The following KNTC1 variants were observed in gnomAD, a reference collection of about 807,000 sequenced individuals.
KNTC1 encodes the protein kinetochore-associated protein 1.
Under a neutral mutation model 314.4 loss-of-function variants are expected in KNTC1, and 253 were observed. The observed-to-expected ratio is 0.80, with a 90% confidence interval of 0.73 to 0.89. KNTC1 has a LOEUF of 0.89. Among genes scored for constraint, KNTC1 ranks in the 40% least tolerant of loss-of-function variants. The probability of loss-of-function intolerance (pLI) is 0.00; values close to 1 mark genes in which losing one functional copy is unlikely to be tolerated. For synonymous variants in KNTC1, 901 were observed against 901.4 expected (o/e 1.00, Z 0.01); for missense variants, 2,475 against 2,572.9 (o/e 0.96, Z 0.82).
At chr12:122,534,925 G>T in intron 3 of KNTC1, 141 bp downstream of exon 3, 1 of 786,598 alleles carries the variant, frequency 1.3e-6, no homozygotes. Context: ...AAGCTTGAGT[G>T]CTTAGTGCCT....
chr12:122,564,685 C>T lies in KNTC1; in HGVS notation c.1604+1986C>T, dbSNP rs140473876. ...TGCAGTCTCTCTGTGTTGTCCACGC[C>T]GGTCTTGAACTCCTGAGCTCAAGCG... On this transcript the variant is annotated intron_variant, in intron 20 of 63. Coordinates refer to ENST00000333479, the MANE Select transcript of KNTC1 (RefSeq NM_014708.6). Among the ~76,000 whole-genome samples the T allele has an allele frequency of 7.2e-5, 11 of 152,160 alleles. No individual in the cohort carries two copies. The East Asian group carries it at 1.5e-3, about 21-fold the overall frequency.
chr12:122,533,052 ATAAAAAT>A lies in KNTC1; in HGVS notation c.130-1606_130-1600del, dbSNP rs552565087. Among the ~76,000 whole-genome samples the A allele has an allele frequency of 2.7e-3, 405 of 152,326 alleles. 3 individuals are homozygous for A. Among genetic ancestry groups the A allele is most frequent in the South Asian group, 0.025 (121 of 4,828 alleles). On this transcript the variant is annotated intron_variant, in intron 2 of 63. Coordinates refer to ENST00000333479, the MANE Select transcript of KNTC1 (RefSeq NM_014708.6). Reference sequence around the variant, plus strand: ...TAGGGAGACAACATCTCTAAAAAAAATAAAAATTAAAATAAACTACACTTGCTTTGGG... The same window carrying A: ...TAGGGAGACAACATCTCTAAAAAAAATAAAATAAACTACACTTGCTTTGGG...
chr12:122,567,413 A>G (rs966230431), intron 20 of KNTC1, among the ~76,000 whole-genome samples: 26 of 152,144 alleles, frequency 1.7e-4, no homozygotes, highest in Admixed American at 1.5e-3. Flanking sequence ...GAATTTCTTT[A>G]TTATGCATAG....
chr12:122,542,978 T>G (rs1198713206), intron 6 of KNTC1, among the ~76,000 whole-genome samples: 1 of 152,176 alleles, frequency 6.6e-6, no homozygotes, highest in Non-Finnish European at 1.5e-5. Flanking sequence ...AGTGGTATGA[T>G]ATCGGCTCAC....
chr12:122,549,961 G>T, intron 13 of KNTC1, 97 bp downstream of exon 13: 1 of 660,270 alleles, frequency 1.5e-6, no homozygotes, highest in Non-Finnish European at 2.6e-6. Context: ...ATTAAGCTAA[G>T]CATTAGTGGA....
At chr12:122,575,262 A>C (rs1964936532) in intron 27 of KNTC1, among the ~76,000 whole-genome samples, 1 of 152,112 alleles carries the variant, frequency 6.6e-6, no homozygotes, top group Admixed American at 6.6e-5. Context: ...ACCCTGCCTC[A>C]AAAAAACAAA....
intron 38 of KNTC1, among the ~76,000 whole-genome samples, chr12:122,587,147 T>C (rs374027706): frequency 1.3e-5 from 2 of 152,252 alleles, no homozygotes; most frequent in African/African-American, 4.8e-5. Flanking sequence ...GAAATGGTGG[T>C]GTGCTCCTGT....
chr12:122,597,740 G>T lies in KNTC1; in HGVS notation c.4365G>T (p.Gln1455His), dbSNP rs569474522. 1.2e-6 allele frequency: 2 copies of T among 1,613,778 alleles called. No homozygotes were observed. Among genetic ancestry groups the T allele is most frequent in the African/African-American group, 2.7e-5 (2 of 75,064 alleles). ...TGAATGCTTCTTTTAGCACATTTCAGTTGGACTGCGATGCAGTTCTTCAGC... is the reference window on the plus strand; with the variant it reads ...TGAATGCTTCTTTTAGCACATTTCATTTGGACTGCGATGCAGTTCTTCAGC... ...SLILEYCSTF[Q>H]LDCDAVLQLF... Residue 1455 changes from glutamine (Q) to histidine (H), a missense_variant, in exon 44 of 64, where the codon CAG becomes CAT. Gln to His is a conservative substitution (Grantham distance 24). Transcript: ENST00000333479.
intron 6 of KNTC1, among the ~76,000 whole-genome samples, chr12:122,542,419 A>G (rs1351427437): frequency 1.3e-5 from 2 of 152,208 alleles, no homozygotes; most frequent in African/African-American, 4.8e-5. Flanking sequence ...AATAGTAAAT[A>G]CTTTTTAATG....
chr12:122,599,005 TAAAA>T (rs546566725), intron 44 of KNTC1, among the ~76,000 whole-genome samples: 72 of 150,954 alleles, frequency 4.8e-4, no homozygotes, highest in Non-Finnish European at 9.1e-4. Context: ...TTTTTTAAAT[TAAAA>T]AAAAAATTTT....
At chr12:122,618,671 T>TTG (rs1874065901) in intron 59 of KNTC1, 126 bp downstream of exon 59, 1 of 762,712 alleles carries the variant, frequency 1.3e-6, no homozygotes, top group Middle Eastern at 3.0e-4. Flanking sequence ...GTGTTTGTTG[T>TTG]TGTTGTTGTT....
At position 122,613,775 on chromosome 12, in the gene KNTC1, A is replaced by ACTGCCCCATTCCCAATTCC. The variant is rs774330051; in HGVS notation, c.5877+22_5877+40dup. 1 of 1,581,390 alleles carries ACTGCCCCATTCCCAATTCC rather than the reference A, an allele frequency of 6.3e-7. No individual in the cohort carries two copies. The highest frequency in any genetic ancestry group is 1.9e-5 in the Admixed American group (1 of 51,834). On this transcript the variant is annotated intron_variant, in intron 55 of 63. Coordinates refer to ENST00000333479, the MANE Select transcript of KNTC1 (RefSeq NM_014708.6). The stretch of plus-strand genomic sequence containing the variant: ...CACGAGTCCATGGTAGGTACACCTC[A>ACTGCCCCATTCCCAATTCC]CTGCCCCATTCCCAATTCCCTGCCC...
chr12:122,549,327 C>T (rs984888188), intron 12 of KNTC1, among the ~76,000 whole-genome samples: 1 of 151,176 alleles, frequency 6.6e-6, no homozygotes, highest in African/African-American at 2.4e-5. Context: ...AAAGTGCTCC[C>T]ATGTGTTTTT....
intron 40 of KNTC1, 66 bp from the exon 41 acceptor site, chr12:122,590,541 T>G: frequency 6.9e-7 from 1 of 1,459,226 alleles, no homozygotes; most frequent in Non-Finnish European, 9.3e-7. Flanking sequence ...TTCTGCCCTT[T>G]GTGAACAAAG....
intron 51 of KNTC1, 46 bp from the exon 52 acceptor site, chr12:122,609,338 C>G (rs1478913041): frequency 2.6e-6 from 3 of 1,168,416 alleles, no homozygotes; most frequent in Non-Finnish European, 3.7e-6. Flanking sequence ...TTTGTTTAGT[C>G]ATAAACTTTT....
chr12:122,538,537 T>C, intron 4 of KNTC1, 83 bp downstream of exon 4: 1 of 749,858 alleles, frequency 1.3e-6, no homozygotes, highest in Non-Finnish European at 2.1e-6. Flanking sequence ...AAACTATTAC[T>C]TAACATGTGT....
intron 4 of KNTC1, 52 bp downstream of exon 4, chr12:122,538,506 T>G (rs896796894): frequency 9.9e-7 from 1 of 1,010,660 alleles, no homozygotes. Context: ...AAATAATCTC[T>G]TAGACAACTA....
At chr12:122,618,955 G>T (rs1874098054) in intron 59 of KNTC1, among the ~76,000 whole-genome samples, 1 of 151,704 alleles carries the variant, frequency 6.6e-6, no homozygotes, top group African/African-American at 2.4e-5. Flanking sequence ...GCTATTATTT[G>T]TAATTTTATT....
chr12:122,595,137 A>C (rs1870862821), intron 43 of KNTC1, among the ~76,000 whole-genome samples: 1 of 152,226 alleles, frequency 6.6e-6, no homozygotes. Flanking sequence ...CGGCCTCCCA[A>C]AGTACTGGGA....
Sources: gnomAD v4.1 joint callset for allele counts (sites outside exome capture counted in the v4.1 genomes callset) on GRCh38, gnomAD v4.1.1 for gene constraint, MANE v1.5 for transcripts, NCBI Gene and HGNC (gene_info 2026-07-23, HGNC 2026-07-21) for gene names.